Variants in ATXN1 observed in about 807,000 individuals in gnomAD.
ATXN1 encodes ataxin-1.
In ATXN1, 8 loss-of-function variants were observed where a neutral mutation model predicts 56.4. That is an observed-to-expected ratio of 0.14 (90% confidence interval 0.08 to 0.26). ATXN1 has a LOEUF of 0.26. ATXN1 is among the 10% of genes least tolerant of loss of function. The probability of loss-of-function intolerance (pLI) is 1.00; values close to 1 mark genes in which losing one functional copy is unlikely to be tolerated. For missense variants in ATXN1, 987 were observed against 1,106.5 expected, an observed-to-expected ratio of 0.89 and a Z score of 1.53; for synonymous variants, 514 against 494.6, an observed-to-expected ratio of 1.04 and a Z score of -0.52.
At chr6:16,449,203 G>T (rs992864172) in intron 6 of ATXN1, among the ~76,000 whole-genome samples, 2 of 152,108 alleles carry the variant, frequency 1.3e-5, no homozygotes, top group African/African-American at 2.4e-5. Context: ...TCACAAGTGA[G>T]CACCCTAGTA....
At chr6:16,367,708 C>T (rs961844148) in intron 6 of ATXN1, among the ~76,000 whole-genome samples, 1 of 137,932 alleles carries the variant, frequency 7.2e-6, no homozygotes, top group Non-Finnish European at 1.5e-5. Flanking sequence ...TCTTGCCTTG[C>T]AAGAAGGTAT....
At chr6:16,433,446 G>A (rs917941251) in intron 6 of ATXN1, among the ~76,000 whole-genome samples, 3 of 152,156 alleles carry the variant, frequency 2.0e-5, no homozygotes, top group African/African-American at 7.2e-5. Context: ...GAAGAACTGA[G>A]TGCTCCAAGG....
intron 6 of ATXN1, among the ~76,000 whole-genome samples, chr6:16,397,527 G>A (rs776645533): frequency 6.6e-6 from 1 of 152,192 alleles, no homozygotes; most frequent in Non-Finnish European, 1.5e-5. Flanking sequence ...GCCTCTCAAA[G>A]TGCCACTGTG....
At chr6:16,528,069 G>A (rs143877789) in intron 4 of ATXN1, among the ~76,000 whole-genome samples, 113 of 152,204 alleles carry the variant, frequency 7.4e-4, no homozygotes, top group African/African-American at 2.7e-3. Context: ...CGGAGGCCAA[G>A]GCAGGAAGAT....
At chr6:16,449,121 G>C (rs1018740602) in intron 6 of ATXN1, among the ~76,000 whole-genome samples, 2 of 151,904 alleles carry the variant, frequency 1.3e-5, no homozygotes, top group African/African-American at 4.8e-5. Context: ...CAGGTAGAAA[G>C]GTTGTAGCGC....
chr6:16,409,707 G>A (rs1042594093), intron 6 of ATXN1, among the ~76,000 whole-genome samples: 2 of 151,538 alleles, frequency 1.3e-5, no homozygotes, highest in Non-Finnish European at 2.9e-5. Flanking sequence ...TCAAAAGCTG[G>A]CTTTTGTAGG....
intron 6 of ATXN1, among the ~76,000 whole-genome samples, chr6:16,381,045 AC>A (rs1758098325): frequency 6.6e-6 from 1 of 152,158 alleles, no homozygotes; most frequent in Non-Finnish European, 1.5e-5. Context: ...TAATCCCAGC[AC>A]TTTGGGAGGT....
rs1225797708 is a variant in ATXN1 at position 16,427,612 on chromosome 6, G to GT, written c.-161+58359dup. The stretch of plus-strand genomic sequence containing the variant: ...CTGATTTGTTGTAAATGCCTCTAAA[G>GT]TTTGAGCAGAACATCAAGGGTTCCG... On this transcript the variant is annotated intron_variant, in intron 6 of 7. Transcript: ENST00000436367. Among the ~76,000 whole-genome samples the GT allele has an allele frequency of 2.6e-5, 4 of 152,292 alleles. No individual in the cohort carries two copies. The East Asian group carries it at 7.7e-4, about 29-fold the overall frequency.
At chr6:16,634,984 C>A (rs986702206) in intron 3 of ATXN1, among the ~76,000 whole-genome samples, 2 of 152,118 alleles carry the variant, frequency 1.3e-5, no homozygotes, top group African/African-American at 4.8e-5. Flanking sequence ...GGTTCCCAAC[C>A]CCTGGGCTAC....
intron 2 of ATXN1, chr6:16,666,565 C>T (rs937596108): frequency 1.3e-5 from 2 of 152,554 alleles, no homozygotes; most frequent in African/African-American, 4.8e-5. Context: ...GAGTGTAGTA[C>T]TGTGATCTCA....
intron 1 of ATXN1, among the ~76,000 whole-genome samples, chr6:16,758,471 A>G (rs371744108): frequency 7.2e-5 from 11 of 152,364 alleles, no homozygotes; most frequent in African/African-American, 2.6e-4. Context: ...GCACCTAGGA[A>G]GAACAGCTTG....
intron 6 of ATXN1, among the ~76,000 whole-genome samples, chr6:16,455,773 TG>T (rs776004231): frequency 3.9e-5 from 6 of 152,138 alleles, no homozygotes; most frequent in East Asian, 3.8e-4. Flanking sequence ...AGTGGGGACT[TG>T]GGGAAATTTC....
chr6:16,373,747 G>GC (rs1174629159), intron 6 of ATXN1, among the ~76,000 whole-genome samples: 1 of 152,090 alleles, frequency 6.6e-6, no homozygotes, highest in Non-Finnish European at 1.5e-5. Flanking sequence ...CATGCCTTTT[G>GC]CCTTCCACCA....
intron 6 of ATXN1, among the ~76,000 whole-genome samples, chr6:16,346,235 T>C (rs939558952): frequency 6.6e-6 from 1 of 152,132 alleles, no homozygotes; most frequent in Non-Finnish European, 1.5e-5. Flanking sequence ...TTTGTACTTT[T>C]TTCAGACAGG....
intron 4 of ATXN1, among the ~76,000 whole-genome samples, chr6:16,562,892 G>C (rs1331691092): frequency 1.3e-5 from 2 of 151,860 alleles, no homozygotes; most frequent in Non-Finnish European, 2.9e-5. Flanking sequence ...TGAAGAGAAG[G>C]TTTTGGTTAA....
intron 1 of ATXN1, among the ~76,000 whole-genome samples, chr6:16,753,564 C>T (rs1760791503): frequency 6.6e-6 from 1 of 152,174 alleles, no homozygotes; most frequent in Non-Finnish European, 1.5e-5. Context: ...GGCCAACATA[C>T]AAAAAGGTCA....
intron 1 of ATXN1, among the ~76,000 whole-genome samples, chr6:16,759,891 C>T (rs1309085346): frequency 2.0e-5 from 3 of 152,138 alleles, no homozygotes; most frequent in Non-Finnish European, 4.4e-5. Context: ...AGGCGGGGGG[C>T]TGAAGAGGGG....
chr6:16,561,165 T>C (rs1024903190), intron 4 of ATXN1, among the ~76,000 whole-genome samples: 2 of 152,190 alleles, frequency 1.3e-5, no homozygotes, highest in Non-Finnish European at 2.9e-5. Context: ...GTATCCAGTA[T>C]GCAGTATATC....
intron 7 of ATXN1, among the ~76,000 whole-genome samples, chr6:16,316,922 C>T (rs1185456443): frequency 7.5e-6 from 1 of 134,116 alleles, no homozygotes; most frequent in Non-Finnish European, 1.5e-5. Flanking sequence ...GGGCTGTGAC[C>T]TCCCCCAGGG....
Sources: allele counts gnomAD v4.1 joint callset (sites outside exome capture counted in the v4.1 genomes callset), GRCh38; gene constraint gnomAD v4.1.1; transcripts MANE v1.5; gene names NCBI Gene and HGNC (gene_info 2026-07-23, HGNC 2026-07-21).